The following DPP4 variants were observed in gnomAD, a reference collection of about 807,000 sequenced individuals.
DPP4 encodes the protein dipeptidyl peptidase 4, also known as ADCP-2.
A neutral mutation model predicts 122.4 loss-of-function variants in DPP4; 93 were observed. The ratio of observed to expected loss-of-function variants is 0.76; its 90% CI spans 0.64 to 0.90. The LOEUF (loss-of-function observed/expected upper bound fraction) is 0.90, where lower values mean the gene tolerates loss of function less well. Among genes scored for constraint, DPP4 ranks in the 40% least tolerant of loss-of-function variants. The pLI, the probability that DPP4 is intolerant of heterozygous loss-of-function variation, is 0.00. For missense variants in DPP4, 914 were observed against 907.3 expected (o/e 1.01, Z -0.09); for synonymous variants, 321 against 302.9 (o/e 1.06, Z -0.62).
intron 23 of DPP4, among the ~76,000 whole-genome samples, chr2:162,003,003 G>T (rs772214824): frequency 6.6e-6 from 1 of 152,030 alleles, no homozygotes; most frequent in Non-Finnish European, 1.5e-5. Flanking sequence ...CTTAACTATC[G>T]CCCTCCCAAA....
At chr2:162,014,568 T>A in intron 18 of DPP4, 103 bp from the exon 19 acceptor site, 3 of 783,456 alleles carry the variant, frequency 3.8e-6, no homozygotes, top group Non-Finnish European at 4.1e-6. Flanking sequence ...AGTTTAACAA[T>A]TTGTTAAATG....
chr2:162,039,140 T>C lies in DPP4; in HGVS notation c.411A>G (p.Leu137=), dbSNP rs1415544281. The C allele has an allele frequency of 8.1e-6, 13 of 1,612,870 alleles. No homozygotes were observed. Among genetic ancestry groups the C allele is most frequent in the Non-Finnish European group, 1.1e-5 (13 of 1,179,312 alleles). ...SYTASYDIYD[L]NKRQLITEER... ...ATTGGGAAGTCACTGACCTTTTATTTAAATCATAAATGTCATATGAAGCTG... is the reference window on the plus strand; with the variant it reads ...ATTGGGAAGTCACTGACCTTTTATTCAAATCATAAATGTCATATGAAGCTG... Residue 137 remains leucine, a synonymous_variant, in exon 6 of 26, where the codon TTA becomes TTG. Coordinates refer to ENST00000360534, the MANE Select transcript of DPP4 (RefSeq NM_001935.4).
At position 162,039,187 on chromosome 2, in the gene DPP4, A is replaced by G. The variant is rs1054043244; in HGVS notation, c.367-3T>C. Reference sequence around the variant, plus strand: ...GCTGTGTAGGAATGCCTCCATTGCTATGAAAGAAAACAGACATTTCAGGCT... The same window carrying G: ...GCTGTGTAGGAATGCCTCCATTGCTGTGAAAGAAAACAGACATTTCAGGCT... On this transcript the variant is annotated splice_region_variant and splice_polypyrimidine_tract_variant and intron_variant, in intron 5 of 25. Transcript: ENST00000360534. 8 of 1,612,102 alleles carry G rather than the reference A, an allele frequency of 5.0e-6. No individual in the cohort carries two copies. The East Asian group carries it at 6.7e-5, about 13-fold the overall frequency.
chr2:162,059,722 GA>G (rs1684696332), intron 2 of DPP4, among the ~76,000 whole-genome samples: 2 of 152,168 alleles, frequency 1.3e-5, no homozygotes, highest in East Asian at 3.9e-4. Flanking sequence ...CCCGATATAA[GA>G]AAAAACAATT....
At chr2:162,049,368 A>G (rs1433334432) in intron 2 of DPP4, among the ~76,000 whole-genome samples, 1 of 152,198 alleles carries the variant, frequency 6.6e-6, no homozygotes, top group Middle Eastern at 3.2e-3. Flanking sequence ...TCAGCAAAGT[A>G]ATGCAGGAAC....
chr2:162,020,523 T>C, intron 13 of DPP4, 58 bp downstream of exon 13: 1 of 1,346,394 alleles, frequency 7.4e-7, no homozygotes, highest in South Asian at 1.3e-5. Flanking sequence ...CCACTTCAAG[T>C]TGGTTTCCAA....
intron 9 of DPP4, among the ~76,000 whole-genome samples, chr2:162,034,926 A>G (rs1315075103): frequency 2.6e-5 from 4 of 151,788 alleles, no homozygotes; most frequent in African/African-American, 7.3e-5. Flanking sequence ...CATTTTCCCC[A>G]TTTTTTCTGC....
Position 162,024,826 on chromosome 2 carries a change from C to T in DPP4, c.1001G>A (p.Ser334Asn). 1 of 1,613,848 alleles carries T rather than the reference C, an allele frequency of 6.2e-7. No individual in the cohort carries two copies. Among genetic ancestry groups the T allele is most frequent in the Non-Finnish European group, 8.5e-7 (1 of 1,180,006 alleles). Reference sequence around the variant, plus strand: ...CACCACTAAGCAGTTCCATCTTCCACTGGATTCATCATAGTCACAAATATC... The same window carrying T: ...CACCACTAAGCAGTTCCATCTTCCATTGGATTCATCATAGTCACAAATATC... ...VMDICDYDES[S>N]GRWNCLVARQ... Residue 334 changes from serine (S) to asparagine (N), a missense_variant, in exon 11 of 26, where the codon AGT becomes AAT. By Grantham distance (46) the Ser-to-Asn change is conservative. Transcript: ENST00000360534.
At chr2:162,058,286 C>T (rs770465010) in intron 2 of DPP4, among the ~76,000 whole-genome samples, 7 of 152,166 alleles carry the variant, frequency 4.6e-5, no homozygotes, top group Non-Finnish European at 8.8e-5. Context: ...CTGTAAATGA[C>T]CAGAAAAGAC....
chr2:162,031,319 G>A (rs190630487), intron 10 of DPP4, among the ~76,000 whole-genome samples: 13 of 152,318 alleles, frequency 8.5e-5, no homozygotes, highest in African/African-American at 2.9e-4. Flanking sequence ...GGGAGGACAA[G>A]GACTAGACCT....
At chr2:162,055,108 TG>T (rs1684520902) in intron 2 of DPP4, among the ~76,000 whole-genome samples, 1 of 152,214 alleles carries the variant, frequency 6.6e-6, no homozygotes, top group South Asian at 2.1e-4. Context: ...ACGTTCATAA[TG>T]AAAAATGATC....
chr2:162,050,840 T>C lies in DPP4; in HGVS notation c.95-3339A>G, dbSNP rs1376148160. Among the ~76,000 whole-genome samples, 10 of 152,374 alleles carry C rather than the reference T, an allele frequency of 6.6e-5. No individual in the cohort carries two copies. The East Asian group carries it at 1.9e-3, about 29-fold the overall frequency. On this transcript the variant is annotated intron_variant, in intron 2 of 25. Transcript: ENST00000360534. ...TACAACCTATTTTGTCAAACTCTTA[T>C]GAGACATGCTCATGATTCGTCTTCC... is the stretch of plus-strand genomic sequence containing the variant.
chr2:162,063,158 T>C (rs1453675832), intron 2 of DPP4, among the ~76,000 whole-genome samples: 1 of 151,280 alleles, frequency 6.6e-6, no homozygotes, highest in African/African-American at 2.4e-5. Context: ...AAGAGAGGAG[T>C]TGAGGAGAAC....
At position 161,993,161 on chromosome 2, in the gene DPP4, C is replaced by T; in HGVS notation, c.*122G>A. 1 of 764,104 alleles carries T rather than the reference C, an allele frequency of 1.3e-6. No individual in the cohort carries two copies. The highest frequency in any genetic ancestry group is 2.3e-5 in the Admixed American group (1 of 42,880). The allele number at this position is 764,104 out of a possible 1,614,324, so 47.3% of individuals were successfully genotyped here. A position where few individuals can be genotyped will look rare whatever the true frequency, so the allele number is the denominator to read the frequency against. On this transcript the variant is annotated 3_prime_UTR_variant, in exon 26 of 26. Transcript: ENST00000360534. Reference sequence around the variant, plus strand: ...TATGAAATTTGGGAACAAAGGTAACCTTAAGTTTCTTGATTTGAGTGTGTA... The same window carrying T: ...TATGAAATTTGGGAACAAAGGTAACTTTAAGTTTCTTGATTTGAGTGTGTA...
chr2:162,063,322 C>T (rs757102828), intron 2 of DPP4, among the ~76,000 whole-genome samples: 1 of 152,140 alleles, frequency 6.6e-6, no homozygotes, highest in Non-Finnish European at 1.5e-5. Flanking sequence ...TTGTATACTG[C>T]ACCTAGAGCT....
In DPP4 at chr2:162,014,319, A is replaced by G. The variant is rs978268031; in HGVS notation, c.1637+77T>C. The G allele has an allele frequency of 4.8e-6, 6 of 1,256,340 alleles. No homozygotes were observed. In the African/African-American group the frequency reaches 7.6e-5, roughly 16 times the overall value. 77.8% of individuals were successfully genotyped at this position (1,256,340 alleles called of 1,614,324 possible). ...AGAGGGAAAGGACGCATTTGGCTCC[A>G]TTTTTCAGTAAGCTGCACTGAGAAA... On this transcript the variant is annotated intron_variant, in intron 19 of 25. Transcript: ENST00000360534.
At chr2:162,050,746 G>A (rs1333025106) in intron 2 of DPP4, among the ~76,000 whole-genome samples, 2 of 152,202 alleles carry the variant, frequency 1.3e-5, no homozygotes, top group African/African-American at 4.8e-5. Context: ...CTAGATAAGC[G>A]AGTTCTGTGA....
chr2:162,011,502 A>C (rs570688479), intron 20 of DPP4, among the ~76,000 whole-genome samples: 1 of 152,088 alleles, frequency 6.6e-6, no homozygotes, highest in South Asian at 2.1e-4. Flanking sequence ...GAGTCTGATG[A>C]ATTTTGATTT....
chr2:162,065,691 A>G (rs1333366058), intron 2 of DPP4, among the ~76,000 whole-genome samples: 1 of 152,122 alleles, frequency 6.6e-6, no homozygotes, highest in Non-Finnish European at 1.5e-5. Context: ...TTGGAAGGAT[A>G]ATATTAAGAC....
Sources: gnomAD v4.1 joint callset for allele counts (sites outside exome capture counted in the v4.1 genomes callset) on GRCh38, gnomAD v4.1.1 for gene constraint, MANE v1.5 for transcripts, NCBI Gene and HGNC (gene_info 2026-07-23, HGNC 2026-07-21) for gene names.